The following FSTL4 variants were observed in gnomAD, a reference collection of about 807,000 sequenced individuals.
FSTL4 encodes the protein follistatin like 4.
Under a neutral mutation model 78.2 loss-of-function variants are expected in FSTL4, and 28 were observed. The ratio of observed to expected loss-of-function variants is 0.36; its 90% CI spans 0.27 to 0.49. The LOEUF is 0.49. Among genes scored for constraint, FSTL4 ranks in the 20% least tolerant of loss-of-function variants. The pLI, the probability that FSTL4 is intolerant of heterozygous loss-of-function variation, is 0.98. For synonymous variants in FSTL4, 422 were observed against 440.5 expected, an observed-to-expected ratio of 0.96 and a Z score of 0.53; for missense variants, 922 against 1,084.9, an observed-to-expected ratio of 0.85 and a Z score of 2.11.
chr5:133,362,748 T>C (rs1206645750), intron 4 of FSTL4, among the ~76,000 whole-genome samples: 1 of 152,258 alleles, frequency 6.6e-6, no homozygotes, highest in Non-Finnish European at 1.5e-5. Flanking sequence ...CTTCCAGGCC[T>C]GGCCCCTGCT....
intron 7 of FSTL4, among the ~76,000 whole-genome samples, chr5:133,240,239 C>A (rs61070309): frequency 1.3e-5 from 2 of 152,150 alleles, no homozygotes; most frequent in Non-Finnish European, 2.9e-5. Flanking sequence ...ACACTCACTG[C>A]GAGGGTCCGC....
At chr5:133,809,464 A>G in the FSTL4 span, among the ~76,000 whole-genome samples, 1 of 151,830 alleles carries the variant, frequency 6.6e-6, no homozygotes, top group Non-Finnish European at 1.5e-5. Flanking sequence ...GCTACCCCCA[A>G]AGCTCTCAGT....
intron 6 of FSTL4, among the ~76,000 whole-genome samples, chr5:133,282,277 C>T (rs1753027483): frequency 6.6e-6 from 1 of 152,054 alleles, no homozygotes; most frequent in Non-Finnish European, 1.5e-5. Context: ...ATGAACACGG[C>T]CAGGAGCACC....
the FSTL4 span, among the ~76,000 whole-genome samples, chr5:133,695,930 C>T: frequency 5.3e-5 from 8 of 152,226 alleles, no homozygotes; most frequent in East Asian, 9.6e-4. Flanking sequence ...CTGCTGGCTC[C>T]GTTCCTGATC....
At chr5:133,831,595 C>T in the FSTL4 span, among the ~76,000 whole-genome samples, 1 of 152,206 alleles carries the variant, frequency 6.6e-6, no homozygotes, top group Non-Finnish European at 1.5e-5. Context: ...AATTATCTCT[C>T]TATAAACTTA....
the FSTL4 span, among the ~76,000 whole-genome samples, chr5:133,758,466 A>G: frequency 6.6e-6 from 1 of 152,184 alleles, no homozygotes; most frequent in East Asian, 1.9e-4. Flanking sequence ...ATTTCAATCT[A>G]TGTTCCTGGC....
the FSTL4 span, among the ~76,000 whole-genome samples, chr5:133,718,227 G>C: frequency 6.6e-6 from 1 of 152,066 alleles, no homozygotes; most frequent in Non-Finnish European, 1.5e-5. Context: ...CGAGTGGTGT[G>C]TGCCACCATG....
chr5:133,839,571 C>G, the FSTL4 span, among the ~76,000 whole-genome samples: 4 of 152,114 alleles, frequency 2.6e-5, no homozygotes, highest in East Asian at 7.7e-4. Context: ...AAATTAACAC[C>G]CCATGAACAT....
chr5:133,312,526 C>T (rs934697500), intron 6 of FSTL4, 128 bp downstream of exon 6: 48 of 763,712 alleles, frequency 6.3e-5, no homozygotes, highest in Non-Finnish European at 9.8e-5. Flanking sequence ...AGAACAAATT[C>T]ACCAGCTTTC....
intron 7 of FSTL4, among the ~76,000 whole-genome samples, chr5:133,240,202 C>T (rs1012453770): frequency 6.6e-6 from 1 of 152,180 alleles, no homozygotes. Context: ...GGAACAAACT[C>T]TGGACACGCT....
intron 4 of FSTL4, among the ~76,000 whole-genome samples, chr5:133,336,307 C>A (rs1754461360): frequency 6.6e-6 from 1 of 152,258 alleles, no homozygotes; most frequent in Non-Finnish European, 1.5e-5. Context: ...GCACTGACCC[C>A]ACCCTGCCTT....
At chr5:133,413,288 T>TATTTTATCCTA (rs1374050059) in intron 3 of FSTL4, among the ~76,000 whole-genome samples, 1 of 149,672 alleles carries the variant, frequency 6.7e-6, no homozygotes, top group Non-Finnish European at 1.5e-5. Flanking sequence ...CTAAAATGTC[T>TATTTTATCCTA]ATTTTATCCT....
chr5:133,504,545 G>T (rs1341256272), intron 3 of FSTL4, among the ~76,000 whole-genome samples: 2 of 152,092 alleles, frequency 1.3e-5, no homozygotes, highest in Non-Finnish European at 2.9e-5. Context: ...ACCTATTGAT[G>T]CTTACCACTG....
chr5:133,469,199 C>A (rs1286186095), intron 3 of FSTL4, among the ~76,000 whole-genome samples: 2 of 152,070 alleles, frequency 1.3e-5, no homozygotes, highest in African/African-American at 4.8e-5. Context: ...CCCTCAGGAC[C>A]GGATTGTGAA....
At chr5:133,304,946 G>C (rs1753623435) in intron 6 of FSTL4, among the ~76,000 whole-genome samples, 1 of 152,204 alleles carries the variant, frequency 6.6e-6, no homozygotes. Context: ...AGGGGCTCCT[G>C]ACAACTTTTC....
At chr5:133,283,567 C>A (rs1654776564) in intron 6 of FSTL4, among the ~76,000 whole-genome samples, 1 of 152,114 alleles carries the variant, frequency 6.6e-6, no homozygotes, top group African/African-American at 2.4e-5. Flanking sequence ...AGACCTGGGG[C>A]AGCAGATCCC....
chr5:133,594,741 G>C lies in FSTL4; in HGVS notation c.126+9117C>G, dbSNP rs189944580. Reference sequence around the variant, plus strand: ...ACAGAAATTTGACATCTTTTCTATAGAGACCAAAGTTTTCAAGGACGTTTA... The same window carrying C: ...ACAGAAATTTGACATCTTTTCTATACAGACCAAAGTTTTCAAGGACGTTTA... On this transcript the variant is annotated intron_variant, in intron 2 of 15. Coordinates refer to ENST00000265342, the MANE Select transcript of FSTL4 (RefSeq NM_015082.2). 5.9e-5 allele frequency among the ~76,000 whole-genome samples: 9 copies of C among 152,318 alleles called. 1 individual carries two copies. Among genetic ancestry groups the C allele is most frequent in the African/African-American group, 2.2e-4 (9 of 41,568 alleles).
At chr5:133,643,262 T>A in the FSTL4 span, among the ~76,000 whole-genome samples, 1 of 152,196 alleles carries the variant, frequency 6.6e-6, no homozygotes, top group South Asian at 2.1e-4. Context: ...TGGGTTGAGA[T>A]GGTAAAGAAA....
intron 3 of FSTL4, among the ~76,000 whole-genome samples, chr5:133,512,686 T>G (rs544374915): frequency 6.6e-6 from 1 of 152,238 alleles, no homozygotes; most frequent in Non-Finnish European, 1.5e-5. Context: ...TTCACACATA[T>G]GTATATACCC....
Sources: allele counts gnomAD v4.1 joint callset (sites outside exome capture counted in the v4.1 genomes callset), GRCh38; gene constraint gnomAD v4.1.1; transcripts MANE v1.5; gene names NCBI Gene and HGNC (gene_info 2026-07-23, HGNC 2026-07-21).